Variants in TYW1B observed in about 807,000 individuals in gnomAD.
The protein encoded by TYW1B is S-adenosyl-L-methionine-dependent tRNA 4-demethylwyosine synthase TYW1B.
A neutral mutation model predicts 86.9 loss-of-function variants in TYW1B; 73 were observed. The ratio of observed to expected loss-of-function variants is 0.84; its 90% CI spans 0.70 to 1.02. TYW1B has a LOEUF of 1.02. Ranked by LOEUF, TYW1B falls within the 50% of genes least tolerant of loss-of-function variation. TYW1B has a pLI of 0.00. For synonymous variants in TYW1B, 248 were observed against 292.8 expected, an observed-to-expected ratio of 0.85 and a Z score of 1.56; for missense variants, 637 against 827.4, an observed-to-expected ratio of 0.77 and a Z score of 2.82.
At chr7:72,650,265 G>A (rs1185587547) in intron 11 of TYW1B, among the ~76,000 whole-genome samples, 2 of 151,772 alleles carry the variant, frequency 1.3e-5, no homozygotes, top group Non-Finnish European at 2.9e-5. Context: ...GCTTGGTCTT[G>A]CAAAACAACA....
chr7:72,736,464 C>G (rs1787198682), intron 8 of TYW1B, among the ~76,000 whole-genome samples: 1 of 152,146 alleles, frequency 6.6e-6, no homozygotes, highest in African/African-American at 2.4e-5. Context: ...ATAAATTTTG[C>G]TTCTAAGAGA....
At chr7:72,700,134 A>C (rs1814426715) in intron 10 of TYW1B, among the ~76,000 whole-genome samples, 1 of 146,960 alleles carries the variant, frequency 6.8e-6, no homozygotes, top group Non-Finnish European at 1.5e-5. Flanking sequence ...ATTCCATATC[A>C]ATACATAAAG....
At chr7:72,710,109 A>C (rs181417289) in intron 10 of TYW1B, among the ~76,000 whole-genome samples, 1 of 152,174 alleles carries the variant, frequency 6.6e-6, no homozygotes, top group East Asian at 1.9e-4. Flanking sequence ...ATTTTCCTCA[A>C]TCCATGATGG....
At chr7:72,603,218 GAT>G (rs1811714403) in intron 13 of TYW1B, among the ~76,000 whole-genome samples, 1 of 151,362 alleles carries the variant, frequency 6.6e-6, no homozygotes, top group Non-Finnish European at 1.5e-5. Context: ...TAGCTGGACA[GAT>G]AGACACAGAC....
chr7:72,811,193 C>T (rs1484214359), intron 3 of TYW1B, among the ~76,000 whole-genome samples: 8 of 150,352 alleles, frequency 5.3e-5, no homozygotes, highest in Non-Finnish European at 8.9e-5. Flanking sequence ...ATGGCGTGAA[C>T]CCAGGAGGCA....
chr7:72,624,468 G>T (rs1342894362), intron 12 of TYW1B, among the ~76,000 whole-genome samples: 5 of 152,156 alleles, frequency 3.3e-5, no homozygotes, highest in African/African-American at 1.2e-4. Context: ...TTTAAAAAAT[G>T]GAACTGCATA....
intron 11 of TYW1B, among the ~76,000 whole-genome samples, chr7:72,638,221 T>C (rs1408097558): frequency 6.6e-6 from 1 of 151,552 alleles, no homozygotes; most frequent in Admixed American, 6.6e-5. Context: ...ATCTTGGTTA[T>C]CAAACAAAAG....
chr7:72,578,114 ATT>A (rs11428029), intron 13 of TYW1B, among the ~76,000 whole-genome samples: 12 of 129,152 alleles, frequency 9.3e-5, no homozygotes, highest in Admixed American at 1.6e-4. Context: ...CTTCCTCACC[ATT>A]TTTTTTTTTT....
intron 11 of TYW1B, among the ~76,000 whole-genome samples, chr7:72,650,498 C>CCA (rs1439892667): frequency 2.0e-5 from 3 of 152,082 alleles, no homozygotes; most frequent in African/African-American, 7.2e-5. Flanking sequence ...ATTAAGCCTT[C>CCA]CATGCAAAAT....
chr7:72,721,062 T>G (rs1468530871), intron 9 of TYW1B, among the ~76,000 whole-genome samples: 2 of 152,182 alleles, frequency 1.3e-5, no homozygotes, highest in Middle Eastern at 6.3e-3. Context: ...TCCATGTCCC[T>G]TAAAAAAACA....
intron 9 of TYW1B, among the ~76,000 whole-genome samples, chr7:72,716,162 C>T (rs1483387022): frequency 6.6e-6 from 1 of 152,192 alleles, no homozygotes; most frequent in African/African-American, 2.4e-5. Flanking sequence ...TGGTCTCGAT[C>T]TCCTGACCTC....
At chr7:72,600,155 T>C (rs1305525818) in intron 13 of TYW1B, among the ~76,000 whole-genome samples, 1 of 152,136 alleles carries the variant, frequency 6.6e-6, no homozygotes, top group African/African-American at 2.4e-5. Context: ...CTGCATGGTA[T>C]TGGGGAAAGA....
At chr7:72,824,291 C>T (rs2129572984) in intron 2 of TYW1B, among the ~76,000 whole-genome samples, 1 of 152,250 alleles carries the variant, frequency 6.6e-6, no homozygotes, top group East Asian at 1.9e-4. Context: ...AAAATCTTTT[C>T]CTAGAAAGCA....
chr7:72,728,625 A>C (rs1188209235), intron 9 of TYW1B, among the ~76,000 whole-genome samples, 197 bp downstream of exon 9: 3 of 152,152 alleles, frequency 2.0e-5, no homozygotes, highest in Admixed American at 6.5e-5. Context: ...CTACATTTTA[A>C]ATTTTTAGTT....
At chr7:72,821,576 C>A (rs1554480493) in intron 2 of TYW1B, among the ~76,000 whole-genome samples, 1 of 152,210 alleles carries the variant, frequency 6.6e-6, no homozygotes. Context: ...CCCAAACAAA[C>A]ATCTTTTCTT....
intron 6 of TYW1B, among the ~76,000 whole-genome samples, chr7:72,792,530 A>G (rs1554473724): frequency 6.6e-6 from 1 of 152,218 alleles, no homozygotes; most frequent in Non-Finnish European, 1.5e-5. Context: ...TTTCTCTTCT[A>G]CAATGGAAAC....
chr7:72,806,986 G>T, intron 5 of TYW1B, 80 bp downstream of exon 5: 1 of 1,526,602 alleles, frequency 6.6e-7, no homozygotes, highest in Non-Finnish European at 8.8e-7. Flanking sequence ...CAACGAGATG[G>T]TTTATTGAGG....
chr7:72,632,346 TTATA>T (rs1315850269), intron 11 of TYW1B, among the ~76,000 whole-genome samples: 1 of 103,594 alleles, frequency 9.7e-6, no homozygotes, highest in Non-Finnish European at 1.8e-5. Context: ...CGTATATATA[TTATA>T]TATATTATAT....
chr7:72,663,359 T>G (rs1554444747), intron 11 of TYW1B, among the ~76,000 whole-genome samples: 1 of 152,150 alleles, frequency 6.6e-6, no homozygotes, highest in Non-Finnish European at 1.5e-5. Context: ...CAATGGTTAT[T>G]TTTTAAAATG....
Sources: gnomAD v4.1 joint callset for allele counts (sites outside exome capture counted in the v4.1 genomes callset) on GRCh38, gnomAD v4.1.1 for gene constraint, MANE v1.5 for transcripts, NCBI Gene and HGNC (gene_info 2026-07-23, HGNC 2026-07-21) for gene names.